SGCZ: variants seen among roughly 807,000 people sequenced by gnomAD.
SGCZ encodes the protein sarcoglycan zeta, also known as zeta-sarcoglycan.
A neutral mutation model predicts 41.3 loss-of-function variants in SGCZ; 40 were observed. The ratio of observed to expected loss-of-function variants is 0.97; its 90% CI spans 0.75 to 1.26. SGCZ has a LOEUF of 1.26. SGCZ is among the 50% of genes most tolerant of loss of function. The pLI is 0.00. For missense variants in SGCZ, 552 were observed against 369.8 expected, an observed-to-expected ratio of 1.49 and a Z score of -4.04; for synonymous variants, 206 against 137.5, an observed-to-expected ratio of 1.50 and a Z score of -3.49.
chr8:14,403,537 T>C (rs1799133681), intron 2 of SGCZ, among the ~76,000 whole-genome samples: 1 of 152,102 alleles, frequency 6.6e-6, no homozygotes, highest in Admixed American at 6.5e-5. Flanking sequence ...TCTGCATCTA[T>C]TGAGATAACC....
chr8:14,311,435 G>A (rs1801540284), intron 3 of SGCZ, among the ~76,000 whole-genome samples: 1 of 152,090 alleles, frequency 6.6e-6, no homozygotes, highest in Non-Finnish European at 1.5e-5. Context: ...GGATATGGGT[G>A]CTGAGTCAGT....
chr8:14,925,096 G>A (rs1288347064), intron 1 of SGCZ, among the ~76,000 whole-genome samples: 1 of 152,066 alleles, frequency 6.6e-6, no homozygotes, highest in Non-Finnish European at 1.5e-5. Flanking sequence ...GAGCTTAAGT[G>A]ATCCACCTGC....
intron 1 of SGCZ, among the ~76,000 whole-genome samples, chr8:14,820,362 T>C (rs1016222321): frequency 6.6e-6 from 1 of 151,938 alleles, no homozygotes; most frequent in Non-Finnish European, 1.5e-5. Context: ...AGGTATATAA[T>C]GAAAATATTA....
chr8:14,166,248 A>T (rs73524143), intron 4 of SGCZ, among the ~76,000 whole-genome samples: 1,974 of 152,302 alleles, frequency 0.013, 55 homozygotes, highest in African/African-American at 0.046. Flanking sequence ...ACCTTTCCTT[A>T]TATAATTTAA....
rs938380866 is a variant in SGCZ, at chr8:14,701,873, A to G, written c.40-146947T>C. On this transcript the variant is annotated intron_variant, in intron 1 of 7. Coordinates refer to ENST00000382080, the MANE Select transcript of SGCZ (RefSeq NM_139167.4). ...TTTTTCTCTCTTTTCTTGATCACTC[A>G]TCAACCTAAAAATATGTGGAAATAG... 4.6e-5 allele frequency among the ~76,000 whole-genome samples: 7 copies of G among 151,932 alleles called. No homozygotes were observed. The South Asian group carries it at 1.2e-3, about 27-fold the overall frequency.
At chr8:14,316,343 A>C (rs1239179641) in intron 3 of SGCZ, among the ~76,000 whole-genome samples, 1 of 152,088 alleles carries the variant, frequency 6.6e-6, no homozygotes, top group East Asian at 1.9e-4. Context: ...AGGAAAGTTC[A>C]TCTCAATAAT....
intron 1 of SGCZ, among the ~76,000 whole-genome samples, chr8:14,945,893 T>C (rs892448101): frequency 1.3e-5 from 2 of 149,420 alleles, no homozygotes; most frequent in Admixed American, 1.3e-4. Flanking sequence ...GGTTCTGAGG[T>C]ATTCAGACTT....
intron 1 of SGCZ, among the ~76,000 whole-genome samples, chr8:14,862,535 G>GATATATAT (rs59769861): frequency 3.4e-4 from 21 of 61,574 alleles, no homozygotes; most frequent in South Asian, 8.0e-4. Context: ...GCATCTTTAA[G>GATATATAT]ATATATATAT....
chr8:14,230,508 G>T lies in SGCZ; in HGVS notation c.424+7084C>A, dbSNP rs186932914. Among the ~76,000 whole-genome samples the T allele has an allele frequency of 1.5e-3, 224 of 152,222 alleles. 3 individuals carry two copies. In the East Asian group the frequency reaches 0.032, roughly 22 times the overall value. ...TGTACATAAGGTCACATAGCGGGCA[G>T]TTGACAGATCTGGGATTTAGCAGTC... On this transcript the variant is annotated intron_variant, in intron 4 of 7. Coordinates refer to ENST00000382080, the MANE Select transcript of SGCZ (RefSeq NM_139167.4).
intron 2 of SGCZ, among the ~76,000 whole-genome samples, chr8:14,464,841 CA>C (rs1337972692): frequency 1.1e-4 from 16 of 151,568 alleles, no homozygotes; most frequent in African/African-American, 3.9e-4. Context: ...ATCTTTTGAT[CA>C]TTGGTTGTTC....
intron 3 of SGCZ, among the ~76,000 whole-genome samples, chr8:14,243,907 C>T (rs925221552): frequency 3.3e-5 from 5 of 152,226 alleles, no homozygotes; most frequent in South Asian, 4.1e-4. Flanking sequence ...GATTTGTAAC[C>T]TTCATTTAAC....
chr8:14,238,804 C>A (rs1806861775), intron 3 of SGCZ, among the ~76,000 whole-genome samples: 1 of 151,998 alleles, frequency 6.6e-6, no homozygotes, highest in South Asian at 2.1e-4. Flanking sequence ...TTGGTGCTTG[C>A]ATTGTGGATG....
At chr8:14,472,655 G>A (rs1314596225) in intron 2 of SGCZ, among the ~76,000 whole-genome samples, 1 of 151,944 alleles carries the variant, frequency 6.6e-6, no homozygotes, top group Non-Finnish European at 1.5e-5. Context: ...CATTCTACTG[G>A]TCTCAAAAGG....
chr8:14,884,356 A>G, intron 1 of SGCZ, among the ~76,000 whole-genome samples: 1 of 152,134 alleles, frequency 6.6e-6, no homozygotes, highest in East Asian at 1.9e-4. Context: ...AGTGTGATAT[A>G]ACTACATAAA....
chr8:14,397,642 A>G (rs2117235821), intron 2 of SGCZ, among the ~76,000 whole-genome samples: 1 of 152,200 alleles, frequency 6.6e-6, no homozygotes, highest in African/African-American at 2.4e-5. Context: ...GGCAGCGATG[A>G]GCCTAATCTC....
intron 2 of SGCZ, among the ~76,000 whole-genome samples, chr8:14,513,365 T>G (rs1026811447): frequency 4.6e-5 from 7 of 152,050 alleles, no homozygotes; most frequent in African/African-American, 1.7e-4. Context: ...CACGAAAAAG[T>G]ATTTCATTTT....
At chr8:14,368,355 A>G (rs1322561106) in intron 2 of SGCZ, among the ~76,000 whole-genome samples, 5 of 152,020 alleles carry the variant, frequency 3.3e-5, no homozygotes, top group African/African-American at 1.2e-4. Context: ...GCGGTAAGAG[A>G]AAAAAATGCA....
At chr8:14,362,551 A>G (rs570192480) in intron 2 of SGCZ, among the ~76,000 whole-genome samples, 2 of 152,280 alleles carry the variant, frequency 1.3e-5, no homozygotes, top group African/African-American at 4.8e-5. Context: ...ACTGTGGGAA[A>G]AGCGCAGTAT....
At chr8:14,558,551 G>C (rs1265979186) in intron 1 of SGCZ, among the ~76,000 whole-genome samples, 1 of 127,650 alleles carries the variant, frequency 7.8e-6, no homozygotes, top group Non-Finnish European at 1.6e-5. Flanking sequence ...CTTCAGCCTG[G>C]GTGACAGAAT....
Sources: allele counts gnomAD v4.1 joint callset (sites outside exome capture counted in the v4.1 genomes callset), GRCh38; gene constraint gnomAD v4.1.1; transcripts MANE v1.5; gene names NCBI Gene and HGNC (gene_info 2026-07-23, HGNC 2026-07-21).